The following C1QTNF7 variants were observed in gnomAD, a reference collection of about 807,000 sequenced individuals.
C1QTNF7 encodes the protein complement C1q tumor necrosis factor-related protein 7.
Under a neutral mutation model 19.6 loss-of-function variants are expected in C1QTNF7, and 15 were observed. That is an observed-to-expected ratio of 0.76 (90% CI 0.51 to 1.18). The LOEUF is 1.18. C1QTNF7 is among the 50% of genes most tolerant of loss of function. C1QTNF7 has a pLI of 0.00. For missense variants in C1QTNF7, 324 were observed against 359.7 expected (o/e 0.90, Z 0.80); for synonymous variants, 142 against 137.5 (o/e 1.03, Z -0.23).
At chr4:15,344,147 A>G (rs1204388984) in intron 1 of C1QTNF7, among the ~76,000 whole-genome samples, 2 of 152,248 alleles carry the variant, frequency 1.3e-5, no homozygotes, top group African/African-American at 4.8e-5. Context: ...TTCCCTGCAG[A>G]CAAAGTGCAT....
chr4:15,368,735 G>A (rs539979339), intron 1 of C1QTNF7, among the ~76,000 whole-genome samples: 1 of 152,302 alleles, frequency 6.6e-6, no homozygotes, highest in South Asian at 2.1e-4. Flanking sequence ...ATTGTGAATA[G>A]TGCCGCAATA....
intron 1 of C1QTNF7, among the ~76,000 whole-genome samples, chr4:15,392,312 A>G (rs965686475): frequency 7.2e-5 from 11 of 152,092 alleles, no homozygotes; most frequent in Admixed American, 6.6e-4. Flanking sequence ...GCGCTTACTT[A>G]AATCACCTCA....
chr4:15,379,159 T>A (rs1253092781), intron 1 of C1QTNF7, among the ~76,000 whole-genome samples: 3 of 152,352 alleles, frequency 2.0e-5, no homozygotes, highest in South Asian at 4.1e-4. Flanking sequence ...CACATTTTTT[T>A]AATATAATTT....
chr4:15,436,006 A>G (rs1364486329), intron 2 of C1QTNF7, 25 bp downstream of exon 2: 6 of 1,601,802 alleles, frequency 3.7e-6, no homozygotes, highest in Non-Finnish European at 5.1e-6. Flanking sequence ...GTTGCATAAA[A>G]CACCCTCCTT....
chr4:15,409,380 G>A (rs1381511019), intron 1 of C1QTNF7, among the ~76,000 whole-genome samples: 1 of 152,222 alleles, frequency 6.6e-6, no homozygotes, highest in African/African-American at 2.4e-5. Context: ...CTAAGTGATT[G>A]CAGCTTGCGA....
At chr4:15,351,781 G>A (rs776056441) in intron 1 of C1QTNF7, among the ~76,000 whole-genome samples, 1 of 152,190 alleles carries the variant, frequency 6.6e-6, no homozygotes, top group Non-Finnish European at 1.5e-5. Context: ...TGTGCATGAC[G>A]TGAGGATGTC....
chr4:15,418,075 G>T (rs1711527140), intron 1 of C1QTNF7, among the ~76,000 whole-genome samples: 1 of 152,122 alleles, frequency 6.6e-6, no homozygotes, highest in Non-Finnish European at 1.5e-5. Flanking sequence ...GTGCCCAAAA[G>T]GCTTCCTGTA....
At chr4:15,411,508 G>A (rs1045403413) in intron 1 of C1QTNF7, among the ~76,000 whole-genome samples, 2 of 152,176 alleles carry the variant, frequency 1.3e-5, no homozygotes, top group Admixed American at 6.5e-5. Flanking sequence ...AGGAGACAGT[G>A]AGCTATGGAG....
At chr4:15,431,103 TA>T in intron 1 of C1QTNF7, among the ~76,000 whole-genome samples, 1 of 151,906 alleles carries the variant, frequency 6.6e-6, no homozygotes, top group South Asian at 2.1e-4. Flanking sequence ...GATAGATAGA[TA>T]GATTCATTGC....
At chr4:15,376,534 G>A (rs1379707105) in intron 1 of C1QTNF7, among the ~76,000 whole-genome samples, 1 of 152,140 alleles carries the variant, frequency 6.6e-6, no homozygotes, top group African/African-American at 2.4e-5. Context: ...TAACAGCAGG[G>A]TTCATGTAAA....
At chr4:15,422,672 A>G (rs1476263229) in intron 1 of C1QTNF7, among the ~76,000 whole-genome samples, 1 of 152,040 alleles carries the variant, frequency 6.6e-6, no homozygotes, top group Non-Finnish European at 1.5e-5. Context: ...TGGTGCAAAC[A>G]TGGTTCACTG....
intron 1 of C1QTNF7, among the ~76,000 whole-genome samples, chr4:15,393,286 T>C (rs1024619575): frequency 2.0e-5 from 3 of 152,226 alleles, no homozygotes; most frequent in African/African-American, 4.8e-5. Flanking sequence ...TTCAGGTATG[T>C]CTTATCAGCA....
chr4:15,378,734 C>A (rs1306958359), intron 1 of C1QTNF7, among the ~76,000 whole-genome samples: 1 of 152,150 alleles, frequency 6.6e-6, no homozygotes, highest in Non-Finnish European at 1.5e-5. Flanking sequence ...ACGTCCAAAG[C>A]TGCCAGAAGT....
At chr4:15,423,902 G>A (rs1033715969), upstream of C1QTNF7, among the ~76,000 whole-genome samples, 18 of 152,226 alleles carry the variant, frequency 1.2e-4, no homozygotes, top group South Asian at 1.0e-3. Flanking sequence ...AGATTCAACT[G>A]GGTTGTCCGG....
At chr4:15,420,824 G>GTTTTTT (rs1487430797) in intron 1 of C1QTNF7, among the ~76,000 whole-genome samples, 1 of 51,290 alleles carries the variant, frequency 1.9e-5, no homozygotes, top group Non-Finnish European at 4.5e-5. Context: ...CCACTGCTTT[G>GTTTTTT]TCTTTTTTTT....
chr4:15,399,169 G>A (rs1718897013), intron 1 of C1QTNF7, among the ~76,000 whole-genome samples: 1 of 152,192 alleles, frequency 6.6e-6, no homozygotes, highest in African/African-American at 2.4e-5. Flanking sequence ...TCAGGAACCT[G>A]CTGATCACCA....
chr4:15,378,369 T>C (rs1718020144), intron 1 of C1QTNF7, among the ~76,000 whole-genome samples: 1 of 152,188 alleles, frequency 6.6e-6, no homozygotes, highest in Non-Finnish European at 1.5e-5. Flanking sequence ...AAACTCTGCT[T>C]TGGAATTTTC....
chr4:15,420,232 A>G (rs1373557171), intron 1 of C1QTNF7, among the ~76,000 whole-genome samples: 2 of 152,252 alleles, frequency 1.3e-5, no homozygotes, highest in East Asian at 3.9e-4. Flanking sequence ...TTTCACTGAA[A>G]CCATTAGCTC....
intron 1 of C1QTNF7, among the ~76,000 whole-genome samples, chr4:15,343,824 A>G (rs1577224376): frequency 6.6e-6 from 1 of 152,208 alleles, no homozygotes; most frequent in East Asian, 1.9e-4. Context: ...GAATTAACCC[A>G]CTTATATCTT....
Sources: allele counts gnomAD v4.1 joint callset (sites outside exome capture counted in the v4.1 genomes callset), GRCh38; gene constraint gnomAD v4.1.1; transcripts MANE v1.5; gene names NCBI Gene and HGNC (gene_info 2026-07-23, HGNC 2026-07-21).